The following VGF variants were observed in gnomAD, a reference collection of about 807,000 sequenced individuals.
VGF encodes the protein VGF nerve growth factor inducible.
VGF carries 13 observed loss-of-function variants against 41.1 expected under a neutral mutation model. That is an observed-to-expected ratio of 0.32 (90% confidence interval 0.21 to 0.50). VGF has a LOEUF of 0.50. Among genes scored for constraint, VGF ranks in the 20% least tolerant of loss-of-function variants. VGF has a pLI of 0.98. For missense variants in VGF, 920 were observed against 882.1 expected (o/e 1.04, Z -0.54); for synonymous variants, 473 against 418.3 (o/e 1.13, Z -1.60).
intron 1 of VGF, 49 bp from the exon 2 acceptor site, chr7:101,164,912 C>G (rs772071404): frequency 2.0e-6 from 3 of 1,469,902 alleles, no homozygotes; most frequent in South Asian, 1.5e-5. Flanking sequence ...AAGAATTCCC[C>G]TCTCTAGGTC....
At chr7:101,166,379 T>C (rs1374166369), upstream of VGF, among the ~76,000 whole-genome samples, 1 of 152,172 alleles carries the variant, frequency 6.6e-6, no homozygotes, top group Admixed American at 6.5e-5. Context: ...CTGCCGCTTG[T>C]GTCAAGGCCC....
Position 101,164,783 on chromosome 7 carries a change from C to T in VGF, c.61G>A (p.Gly21Arg), listed in dbSNP as rs1189784296. 3.7e-6 allele frequency: 6 copies of T among 1,602,718 alleles called. No individual in the cohort carries two copies. The African/African-American group carries it at 8.0e-5, about 21-fold the overall frequency. The change falls in exon 2 of 2, where the codon GGG becomes AGG. Residue 21 changes from glycine to arginine, a missense_variant. This residue lies in a region of VGF where 654 missense variants were observed against 638.4 expected (regional missense o/e 1.02). Coordinates refer to ENST00000249330, the MANE Select transcript of VGF (RefSeq NM_003378.4). ...LFCLLLINGL[G>R]AAPPGRPEAQ... Reference sequence around the variant, plus strand: ...TCAGGGCGACCAGGGGGTGCTGCCCCTAACCCGTTGATCAGCAGAAGGCAG... The same window carrying T: ...TCAGGGCGACCAGGGGGTGCTGCCCTTAACCCGTTGATCAGCAGAAGGCAG...
chr7:101,167,660 G>T (rs1797241979), upstream of VGF, among the ~76,000 whole-genome samples: 3 of 152,216 alleles, frequency 2.0e-5, no homozygotes, highest in Admixed American at 2.0e-4. This position sits in a 1 kb window ranked among gnomAD's most constrained non-coding sequence, Gnocchi z 4.2. Context: ...TGACTGAGTG[G>T]CTGATGGGGA....
In VGF at chr7:101,163,516, T is replaced by C. The variant is rs1188139410; in HGVS notation, c.1328A>G (p.Asp443Gly). 1 of 1,610,232 alleles carries C rather than the reference T, an allele frequency of 6.2e-7. No homozygotes were observed. Residue 443 changes from aspartate (D) to glycine (G), a missense_variant, in exon 2 of 2, where the codon GAC becomes GGC. This residue lies in a region of VGF where 654 missense variants were observed against 638.4 expected (regional missense o/e 1.02). Coordinates refer to ENST00000249330, the MANE Select transcript of VGF (RefSeq NM_003378.4). The surrounding 1 kb of genome is among the most constrained non-coding windows in gnomAD (Gnocchi z 5.0). ...EGTEEGGEEE[D>G]DEEMDPQTID... Reference sequence around the variant, plus strand: ...CGTCTGCGGATCCATCTCCTCGTCGTCCTCCTCCTCCCCGCCCTCCTCTGT... The same window carrying C: ...CGTCTGCGGATCCATCTCCTCGTCGCCCTCCTCCTCCCCGCCCTCCTCTGT...
upstream of VGF, among the ~76,000 whole-genome samples, chr7:101,166,269 A>G (rs1013950146): frequency 5.3e-5 from 8 of 152,212 alleles, no homozygotes; most frequent in Non-Finnish European, 1.0e-4. Flanking sequence ...TCGGAAGAGA[A>G]AAGGGAAAGA....
chr7:101,165,692 G>C (rs1252028937), upstream of VGF: 1 of 981,688 alleles, frequency 1.0e-6, no homozygotes, highest in Non-Finnish European at 1.2e-6. Flanking sequence ...GAGGAGGAAG[G>C]ACGCCCGACG....
Position 101,164,697 on chromosome 7 carries a change from G to A in VGF, c.147C>T (p.Pro49=), listed in dbSNP as rs754938691. The A allele has an allele frequency of 5.6e-6, 9 of 1,604,564 alleles. No homozygotes were observed. The highest frequency in any genetic ancestry group is 3.3e-5 in the South Asian group (3 of 90,120). The change falls in exon 2 of 2, where the codon CCC becomes CCT. Residue 49 remains proline (P), a synonymous_variant. Transcript: ENST00000249330. ...HKEPVAGDAV[P]GPKDGSAPEV... ...CTGGGGCGCTGCCATCCTTTGGCCC[G>A]GGCACTGCGTCCCCGGCTACCGGCT... is the stretch of plus-strand genomic sequence containing the variant.
In VGF at chr7:101,163,424, C is replaced by G. The variant is rs1036185965; in HGVS notation, c.1420G>C (p.Glu474Gln). The G allele has an allele frequency of 9.9e-6, 16 of 1,610,602 alleles. No individual in the cohort carries two copies. Among genetic ancestry groups the G allele is most frequent in the Admixed American group, 5.0e-5 (3 of 59,976 alleles). The part of the protein sequence containing the change: ...LPADDVVSII[E>Q]EVEEKRKRKK... ...CGCTTCCGCTTCTCCTCCACCTCCT[C>G]GATGATGCTGACCACGTCGTCCGCT... Residue 474 changes from glutamate to glutamine, a missense_variant, in exon 2 of 2, where the codon GAG becomes CAG. Transcript: ENST00000249330. The surrounding 1 kb of genome is among the most constrained non-coding windows in gnomAD (Gnocchi z 5.0).
chr7:101,163,000 G>T lies in VGF; in HGVS notation c.1844C>A (p.Pro615Gln), dbSNP rs763478186. 4 of 1,435,832 alleles carry T rather than the reference G, an allele frequency of 2.8e-6. No homozygotes were observed. The highest frequency in any genetic ancestry group is 2.7e-6 in the Non-Finnish European group (3 of 1,092,506). 88.9% of individuals were successfully genotyped at this position (1,435,832 alleles called of 1,614,324 possible). The change falls in exon 2 of 2, where the codon CCG (proline) becomes CAG (glutamine). Residue 615 changes from proline to glutamine, a missense_variant. Pro to Gln is a moderately conservative substitution (Grantham distance 76). This residue lies in a region of VGF where 257 missense variants were observed against 217.2 expected (regional missense o/e 1.18). Transcript: ENST00000249330. The surrounding 1 kb of genome is among the most constrained non-coding windows in gnomAD (Gnocchi z 4.2). ...GGGCGGGACCGGGAAGGGCAGTCAC[G>T]GGCGCCGGAGCAGCACGTGCTCGAT... is the stretch of plus-strand genomic sequence containing the variant. ...NYIEHVLLRR[P>Q]
rs1437051383 is a variant in VGF, at chr7:101,163,409, TCTC to T, written c.1432_1434del (p.Glu478del). ...GGGGCGTTCTTCTTCCGCTTCCGCT[TCTC>T]CTCCACCTCCTCGATGATGCTGACC... is the stretch of plus-strand genomic sequence containing the variant. On this transcript the variant is annotated inframe_deletion, in exon 2 of 2. Coordinates refer to ENST00000249330, the MANE Select transcript of VGF (RefSeq NM_003378.4). This position sits in a 1 kb window ranked among gnomAD's most constrained non-coding sequence, Gnocchi z 5.0. The T allele has an allele frequency of 1.9e-6, 3 of 1,606,362 alleles. No individual in the cohort carries two copies. Among genetic ancestry groups the T allele is most frequent in the South Asian group, 1.1e-5 (1 of 90,932 alleles).
Position 101,163,668 on chromosome 7 carries a change from C to CGCCTCT in VGF, c.1170_1175dup (p.Ala392_Glu393dup). 1 of 1,539,226 alleles carries CGCCTCT rather than the reference C, an allele frequency of 6.5e-7. No homozygotes were observed. The highest frequency in any genetic ancestry group is 2.0e-5 in the Admixed American group (1 of 51,052). ...TCTGCCGCGCCCTCTCCGCCTCCTC[C>CGCCTCT]GCCTCTGCCTCCGCCTCGGCCGCCT... On this transcript the variant is annotated inframe_insertion, in exon 2 of 2. Coordinates refer to ENST00000249330, the MANE Select transcript of VGF (RefSeq NM_003378.4). The surrounding 1 kb of genome is among the most constrained non-coding windows in gnomAD (Gnocchi z 5.0).
upstream of VGF, among the ~76,000 whole-genome samples, chr7:101,167,664 A>G (rs1022825067): frequency 2.0e-5 from 3 of 152,190 alleles, no homozygotes; most frequent in Non-Finnish European, 4.4e-5. This position sits in a 1 kb window ranked among gnomAD's most constrained non-coding sequence, Gnocchi z 4.2. Context: ...TGAGTGGCTG[A>G]TGGGGATCAG....
rs781412090 is a variant in VGF, at chr7:101,164,244, C to T, written c.600G>A (p.Pro200=). ...HTLTRVNLES[P]GPERVWRASW... is the part of the protein sequence containing the mutation. The stretch of plus-strand genomic sequence containing the variant: ...AAGCGCGCCATACGCGCTCTGGCCC[C>T]GGGCTCTCCAGATTCACTCGGGTCA... Residue 200 remains proline, a synonymous_variant, in exon 2 of 2, where the codon CCG becomes CCA. Coordinates refer to ENST00000249330, the MANE Select transcript of VGF (RefSeq NM_003378.4). The T allele has an allele frequency of 6.3e-7, 1 of 1,589,050 alleles. No homozygotes were observed. Among genetic ancestry groups the T allele is most frequent in the African/African-American group, 1.3e-5 (1 of 74,654 alleles).
chr7:101,164,947 G>C, intron 1 of VGF, 84 bp from the exon 2 acceptor site: 2 of 1,422,328 alleles, frequency 1.4e-6, no homozygotes, highest in Non-Finnish European at 1.8e-6. Flanking sequence ...CCACCTTTCA[G>C]CAGGAAACCC....
At chr7:101,169,331 C>T (rs1037023042), upstream of VGF, among the ~76,000 whole-genome samples, 2 of 152,032 alleles carry the variant, frequency 1.3e-5, no homozygotes, top group Admixed American at 6.6e-5. Flanking sequence ...CAAATACACA[C>T]ACAGACACAC....
rs1459333599 is a variant in VGF at position 101,163,662 on chromosome 7, C to T, written c.1182G>A (p.Glu394=). ...EAAEAEAEAE[E]AERARQNALL... is the part of the protein sequence containing the mutation. ...GCGCGTTCTGCCGCGCCCTCTCCGC[C>T]TCCTCCGCCTCTGCCTCCGCCTCGG... Residue 394 remains glutamate, a synonymous_variant, in exon 2 of 2, where the codon GAG becomes GAA. Transcript: ENST00000249330. The surrounding 1 kb of genome is among the most constrained non-coding windows in gnomAD (Gnocchi z 5.0). 3 of 1,539,466 alleles carry T rather than the reference C, an allele frequency of 1.9e-6. No homozygotes were observed. The highest frequency in any genetic ancestry group is 1.2e-5 in the South Asian group (1 of 84,346).
chr7:101,164,023 G>A lies in VGF; in HGVS notation c.821C>T (p.Ala274Val), dbSNP rs540910837. Reference protein sequence around the residue: ...PLSKAYQGVAAPFPKARRPES... With the variant: ...PLSKAYQGVAVPFPKARRPES... The stretch of plus-strand genomic sequence containing the variant: ...CGGCCGGCGCGCCTTGGGGAACGGG[G>A]CGGCCACGCCTTGGTACGCCTTGGA... Residue 274 changes from alanine (A) to valine (V), a missense_variant, in exon 2 of 2, where the codon GCC (alanine) becomes GTC (valine). Ala to Val is a moderately conservative substitution (Grantham distance 64). This residue lies in a region of VGF where 654 missense variants were observed against 638.4 expected (regional missense o/e 1.02). Coordinates refer to ENST00000249330, the MANE Select transcript of VGF (RefSeq NM_003378.4). The A allele has an allele frequency of 1.1e-5, 16 of 1,481,114 alleles. No homozygotes were observed. In the South Asian group the frequency reaches 1.8e-4, roughly 17 times the overall value. 91.7% of individuals were successfully genotyped at this position (1,481,114 alleles called of 1,614,324 possible).
chr7:101,165,704 T>C, upstream of VGF: 2 of 972,954 alleles, frequency 2.1e-6, no homozygotes, highest in East Asian at 1.2e-4. Context: ...CGCCCGACGA[T>C]TGGAGGGTGC....
Position 101,164,245 on chromosome 7 carries a change from G to A in VGF, c.599C>T (p.Pro200Leu). 6.3e-7 allele frequency: 1 copy of A among 1,589,722 alleles called. No individual in the cohort carries two copies. The highest frequency in any genetic ancestry group is 8.5e-7 in the Non-Finnish European group (1 of 1,171,144). Reference sequence around the variant, plus strand: ...AGCGCGCCATACGCGCTCTGGCCCCGGGCTCTCCAGATTCACTCGGGTCAG... The same window carrying A: ...AGCGCGCCATACGCGCTCTGGCCCCAGGCTCTCCAGATTCACTCGGGTCAG... ...HTLTRVNLES[P>L]GPERVWRASW... is the part of the protein sequence containing the mutation. Residue 200 changes from proline (P) to leucine (L), a missense_variant, in exon 2 of 2, where the codon CCG becomes CTG. This residue lies in a region of VGF where 654 missense variants were observed against 638.4 expected (regional missense o/e 1.02). Transcript: ENST00000249330.
Sources: gnomAD v4.1 joint callset for allele counts (sites outside exome capture counted in the v4.1 genomes callset) on GRCh38, gnomAD v4.1.1 for gene constraint, gnomAD v4.1.1 regional missense constraint, Gnocchi (gnomAD v3.1) non-coding constraint, MANE v1.5 for transcripts, NCBI Gene and HGNC (gene_info 2026-07-23, HGNC 2026-07-21) for gene names.